Variants in CSF3R observed in about 807,000 individuals in gnomAD.
CSF3R encodes the protein granulocyte colony-stimulating factor receptor.
CSF3R carries 52 observed loss-of-function variants against 84.4 expected under a neutral mutation model. That is an observed-to-expected ratio of 0.62 (90% CI 0.49 to 0.78). The LOEUF (loss-of-function observed/expected upper bound fraction) is 0.78. Among genes scored for constraint, CSF3R ranks in the 30% least tolerant of loss-of-function variants. The probability of loss-of-function intolerance (pLI) is 0.00; values close to 1 mark genes in which losing one functional copy is unlikely to be tolerated. For missense variants in CSF3R, 890 were observed against 1,055.7 expected (o/e 0.84, Z 2.17); for synonymous variants, 384 against 429.1 (o/e 0.89, Z 1.30).
intron 3 of CSF3R, chr1:36,476,254 T>C (rs1651142837): frequency 6.5e-6 from 1 of 152,704 alleles, no homozygotes; most frequent in Admixed American, 6.5e-5. Flanking sequence ...GGAACTAGAC[T>C]GCCTAGGTTT....
At chr1:36,473,197 A>G (rs558077812) in intron 6 of CSF3R, 3 of 579,500 alleles carry the variant, frequency 5.2e-6, no homozygotes, top group Non-Finnish European at 9.2e-6. Context: ...GCTTTAGGAA[A>G]CACGCTGAAA....
Position 36,469,678 on chromosome 1 carries a change from C to T in CSF3R, c.1448G>A (p.Gly483Glu). ...SNKTWRMEQN[G>E]RATGFLLKEN... ...CTTCAGCAGAAACCCCGTGGCTCTCCCATTCTGTTCCATCCTCCAGGTCTT... is the reference window on the plus strand; with the variant it reads ...CTTCAGCAGAAACCCCGTGGCTCTCTCATTCTGTTCCATCCTCCAGGTCTT... The change falls in exon 11 of 17, where the codon GGG becomes GAG. Residue 483 changes from glycine to glutamate, a missense_variant. Coordinates refer to ENST00000373106, the MANE Select transcript of CSF3R (RefSeq NM_000760.4). 1.2e-6 allele frequency: 2 copies of T among 1,614,188 alleles called. No homozygotes were observed. Among genetic ancestry groups the T allele is most frequent in the Non-Finnish European group, 1.7e-6 (2 of 1,180,050 alleles).
intron 13 of CSF3R, 54 bp from the exon 14 acceptor site, chr1:36,468,016 C>T (rs879119660): frequency 1.9e-6 from 3 of 1,614,220 alleles, no homozygotes; most frequent in Non-Finnish European, 2.5e-6. Flanking sequence ...GCCTCCGTGG[C>T]AGCTGAGCAC....
chr1:36,471,249 G>T (rs1557591377), intron 10 of CSF3R, among the ~76,000 whole-genome samples, 184 bp downstream of exon 10: 1 of 152,158 alleles, frequency 6.6e-6, no homozygotes, highest in Non-Finnish European at 1.5e-5. Context: ...GTTTCACCAT[G>T]TAGGCCAGGC....
chr1:36,480,118 A>C, intron 2 of CSF3R: 1 of 173,480 alleles, frequency 5.8e-6, no homozygotes, highest in Admixed American at 5.5e-5. Context: ...TTACCCACTG[A>C]CTCCTGCCCC....
Position 36,467,854 on chromosome 1 carries a change from C to G in CSF3R, c.1832G>C (p.Ser611Thr). Residue 611 changes from serine (S) to threonine (T), a missense_variant, in exon 14 of 17, where the codon AGT becomes ACT. Coordinates refer to ENST00000373106, the MANE Select transcript of CSF3R (RefSeq NM_000760.4). This position sits in a 1 kb window ranked among gnomAD's most constrained non-coding sequence, Gnocchi z 4.1. ...CAAGGTCATCAGGGTGAGGACTGTA[C>G]TGTTGGTGGCCCCAGCCTGGCTGGC... Reference protein sequence around the residue: ...MAASQAGATNSTVLTLMTLTP... With the variant: ...MAASQAGATNTTVLTLMTLTP... 1 of 1,614,268 alleles carries G rather than the reference C, an allele frequency of 6.2e-7. No homozygotes were observed. The highest frequency in any genetic ancestry group is 8.5e-7 in the Non-Finnish European group (1 of 1,180,050).
chr1:36,483,093 G>C (rs951965442), upstream of CSF3R: 4 of 152,248 alleles, frequency 2.6e-5, no homozygotes, highest in Non-Finnish European at 4.4e-5. Context: ...GTCTTAAAGG[G>C]CTGGGGAATG....
In CSF3R at chr1:36,467,866, C is replaced by A; in HGVS notation, c.1820G>T (p.Gly607Val). ...GGTGAGGACTGTACTGTTGGTGGCC[C>A]CAGCCTGGCTGGCAGCCATGAGGTG... is the stretch of plus-strand genomic sequence containing the variant. ...HIHLMAASQA[G>V]ATNSTVLTLM... Residue 607 changes from glycine to valine, a missense_variant, in exon 14 of 17, where the codon GGG becomes GTG. Transcript: ENST00000373106. The surrounding 1 kb of genome is among the most constrained non-coding windows in gnomAD (Gnocchi z 4.1). 1.2e-6 allele frequency: 2 copies of A among 1,614,226 alleles called. No homozygotes were observed. The highest frequency in any genetic ancestry group is 1.7e-6 in the Non-Finnish European group (2 of 1,180,048).
Position 36,472,753 on chromosome 1 carries a change from CTT to C in CSF3R, c.674-69_674-68del. ...CTAGAGGGCTCTGCCTTAGCTCCCT[CTT>C]GTCTCCCTGTCTGTGGTTCACCATC... On this transcript the variant is annotated intron_variant, in intron 6 of 16. Coordinates refer to ENST00000373106, the MANE Select transcript of CSF3R (RefSeq NM_000760.4). This position sits in a 1 kb window ranked among gnomAD's most constrained non-coding sequence, Gnocchi z 5.0. 4.1e-6 allele frequency: 6 copies of C among 1,455,812 alleles called. No individual in the cohort carries two copies. Among genetic ancestry groups the C allele is most frequent in the Non-Finnish European group, 5.5e-6 (6 of 1,097,964 alleles). 90.2% of individuals were successfully genotyped at this position (1,455,812 alleles called of 1,614,324 possible). A position where few individuals can be genotyped will look rare whatever the true frequency, so the allele number is the denominator to read the frequency against.
In CSF3R at chr1:36,466,174, G is replaced by A. The variant is rs752919171; in HGVS notation, c.*183C>T. The A allele has an allele frequency of 5.0e-6, 8 of 1,614,124 alleles. No homozygotes were observed. In the African/African-American group the frequency reaches 1.1e-4, roughly 22 times the overall value. ...GATGGAGCATGATCTGGTCCTTAAAGTATGCAGATCGCCTGGGAGGCCCAG... is the reference window on the plus strand; with the variant it reads ...GATGGAGCATGATCTGGTCCTTAAAATATGCAGATCGCCTGGGAGGCCCAG... On this transcript the variant is annotated 3_prime_UTR_variant, in exon 17 of 17. Coordinates refer to ENST00000373106, the MANE Select transcript of CSF3R (RefSeq NM_000760.4). The surrounding 1 kb of genome is among the most constrained non-coding windows in gnomAD (Gnocchi z 4.6).
At chr1:36,477,794 T>A (rs940380737) in intron 3 of CSF3R, 2 of 152,020 alleles carry the variant, frequency 1.3e-5, no homozygotes, top group Admixed American at 1.3e-4. Context: ...GGAGTCACTC[T>A]GCTGCCCAGG....
In CSF3R at chr1:36,472,227, C is replaced by T; in HGVS notation, c.997+11G>A. 2.5e-6 allele frequency: 4 copies of T among 1,614,154 alleles called. No individual in the cohort carries two copies. The highest frequency in any genetic ancestry group is 3.4e-6 in the Non-Finnish European group (4 of 1,180,016). On this transcript the variant is annotated intron_variant, in intron 8 of 16. Transcript: ENST00000373106. This position sits in a 1 kb window ranked among gnomAD's most constrained non-coding sequence, Gnocchi z 5.0. The stretch of plus-strand genomic sequence containing the variant: ...CTGTTGGCTGCTCCCAGCCTCTCAT[C>T]ACCTCCTTACCCCGTTCGGTAGTTC...
chr1:36,466,153 G>C lies in CSF3R; in HGVS notation c.*204C>G. 6.2e-7 allele frequency: 1 copy of C among 1,614,186 alleles called. No individual in the cohort carries two copies. The highest frequency in any genetic ancestry group is 8.5e-7 in the Non-Finnish European group (1 of 1,180,034). ...AAAGGCCATTGGGTGGGGCTGGATG[G>C]AGCATGATCTGGTCCTTAAAGTATG... is the stretch of plus-strand genomic sequence containing the variant. On this transcript the variant is annotated 3_prime_UTR_variant, in exon 17 of 17. Coordinates refer to ENST00000373106, the MANE Select transcript of CSF3R (RefSeq NM_000760.4). This position sits in a 1 kb window ranked among gnomAD's most constrained non-coding sequence, Gnocchi z 4.6.
At chr1:36,469,458 T>C (rs1375209521) in intron 11 of CSF3R, among the ~76,000 whole-genome samples, 194 bp downstream of exon 11, 1 of 152,158 alleles carries the variant, frequency 6.6e-6, no homozygotes, top group Non-Finnish European at 1.5e-5. Flanking sequence ...GAGTCAGGGC[T>C]ATAGAAAAAG....
chr1:36,473,868 G>T lies in CSF3R; in HGVS notation c.381C>A (p.His127Gln), dbSNP rs1348822018. The T allele has an allele frequency of 6.2e-7, 1 of 1,614,248 alleles. No homozygotes were observed. The highest frequency in any genetic ancestry group is 1.1e-5 in the South Asian group (1 of 91,092). ...LRAGYPPAIP[H>Q]NLSCLMNLTT... ...TGAGGTTCATGAGGCAGGAGAGGTT[G>T]TGGGGTATGGCTGGAGGGTCTGCAT... The change falls in exon 5 of 17, where the codon CAC becomes CAA. Residue 127 changes from histidine (H) to glutamine (Q), a missense_variant. By Grantham distance (24) the His-to-Gln change is conservative. Transcript: ENST00000373106.
rs1368602261 is a variant in CSF3R, at chr1:36,467,414, A to G, written c.1959-103T>C. The G allele has an allele frequency of 7.0e-6, 10 of 1,420,774 alleles. No individual in the cohort carries two copies. The highest frequency in any genetic ancestry group is 9.9e-6 in the Non-Finnish European group (10 of 1,005,186). 88.0% of individuals were successfully genotyped at this position (1,420,774 alleles called of 1,614,324 possible). On this transcript the variant is annotated intron_variant, in intron 15 of 16. Coordinates refer to ENST00000373106, the MANE Select transcript of CSF3R (RefSeq NM_000760.4). This position sits in a 1 kb window ranked among gnomAD's most constrained non-coding sequence, Gnocchi z 4.1. ...GAAGAGGTGCAGCTGCCCTTAGTGC[A>G]GAGAGAAGAAGCTGGGGGCTGGGAC...
In CSF3R at chr1:36,472,597, G is replaced by C; in HGVS notation, c.763C>G (p.Pro255Ala). 1 of 1,614,042 alleles carries C rather than the reference G, an allele frequency of 6.2e-7. No homozygotes were observed. Among genetic ancestry groups the C allele is most frequent in the Non-Finnish European group, 8.5e-7 (1 of 1,179,994 alleles). ...QAGCLQLCWE[P>A]WQPGLHINQK... ...TTTATGTGCAGGCCTGGCTGCCATG[G>C]CTCCCAGCACAGCTGTAGGCAGCCT... Residue 255 changes from proline (P) to alanine (A), a missense_variant, in exon 7 of 17, where the codon CCA becomes GCA. Pro to Ala is a conservative substitution (Grantham distance 27). Transcript: ENST00000373106. This position sits in a 1 kb window ranked among gnomAD's most constrained non-coding sequence, Gnocchi z 5.0.
In CSF3R at chr1:36,471,619, G is replaced by T; in HGVS notation, c.1099C>A (p.Arg367=). 6.2e-7 allele frequency: 1 copy of T among 1,614,224 alleles called. No individual in the cohort carries two copies. Among genetic ancestry groups the T allele is most frequent in the African/African-American group, 1.3e-5 (1 of 75,060 alleles). ...CAAGAAACCACATAACCTTGGATCC[G>T]TCCGCTGTCTTCCTCCAGGGGCACT... The part of the protein sequence containing the change: ...KPVPLEEDSG[R]IQGYVVSWRP... Residue 367 remains arginine (R), a synonymous_variant, in exon 10 of 17, where the codon CGG becomes AGG. Transcript: ENST00000373106.
At position 36,473,605 on chromosome 1, in the gene CSF3R, T is replaced by C. The variant is rs1448977951; in HGVS notation, c.503A>G (p.Gln168Arg). 3 of 1,614,106 alleles carry C rather than the reference T, an allele frequency of 1.9e-6. No individual in the cohort carries two copies. Among genetic ancestry groups the C allele is most frequent in the South Asian group, 2.2e-5 (2 of 91,088 alleles). ...LKSFKSRGNC[Q>R]TQGDSILDCV... ...GTCCAGGATGGAGTCCCCTTGGGTC[T>C]GACAGTTGCCCCGGCTCCTGCCAAT... The change falls in exon 6 of 17, where the codon CAG (glutamine) becomes CGG (arginine). Residue 168 changes from glutamine (Q) to arginine (R), a missense_variant. Gln to Arg is a conservative substitution (Grantham distance 43). Coordinates refer to ENST00000373106, the MANE Select transcript of CSF3R (RefSeq NM_000760.4).
Sources: gnomAD v4.1 joint callset for allele counts (sites outside exome capture counted in the v4.1 genomes callset) on GRCh38, gnomAD v4.1.1 for gene constraint, Gnocchi (gnomAD v3.1) non-coding constraint, MANE v1.5 for transcripts, NCBI Gene and HGNC (gene_info 2026-07-23, HGNC 2026-07-21) for gene names.